CTNNAL1: variants seen among roughly 807,000 people sequenced by gnomAD.
CTNNAL1 encodes the protein alpha-catulin.
Under a neutral mutation model 93.6 loss-of-function variants are expected in CTNNAL1, and 69 were observed. That is an observed-to-expected ratio of 0.74 (90% confidence interval 0.61 to 0.90). The LOEUF (loss-of-function observed/expected upper bound fraction) is 0.90, where lower values mean the gene tolerates loss of function less well. CTNNAL1 is among the 40% of genes least tolerant of loss of function. CTNNAL1 has a pLI of 0.00. For missense variants in CTNNAL1, 836 were observed against 862.0 expected (o/e 0.97, Z 0.38); for synonymous variants, 286 against 305.4 (o/e 0.94, Z 0.66).
At chr9:108,965,840 T>C (rs1184041992) in intron 10 of CTNNAL1, among the ~76,000 whole-genome samples, 1 of 152,164 alleles carries the variant, frequency 6.6e-6, no homozygotes. Flanking sequence ...ATTCAAACAG[T>C]TATACTCAGA....
intron 10 of CTNNAL1, 75 bp from the exon 11 acceptor site, chr9:108,965,603 A>C: frequency 1.3e-6 from 1 of 767,578 alleles, no homozygotes. Context: ...ACCAAAGGTA[A>C]GTAAGTCTGC....
intron 6 of CTNNAL1, among the ~76,000 whole-genome samples, chr9:108,980,905 T>A (rs115847262): frequency 3.9e-5 from 6 of 152,198 alleles, no homozygotes; most frequent in African/African-American, 1.4e-4. Flanking sequence ...TATTTACTGA[T>A]ATGGTTTCAT....
chr9:108,996,210 C>A lies in CTNNAL1; in HGVS notation c.331+2857G>T, dbSNP rs72758390. Among the ~76,000 whole-genome samples, 4 of 152,224 alleles carry A rather than the reference C, an allele frequency of 2.6e-5. No homozygotes were observed. In the South Asian group the frequency reaches 8.3e-4, roughly 32 times the overall value. Reference sequence around the variant, plus strand: ...TCAAACACAGCTCAAGCGATCCACCCGCCTTGGCCTCCAAGTGTTGGGATT... The same window carrying A: ...TCAAACACAGCTCAAGCGATCCACCAGCCTTGGCCTCCAAGTGTTGGGATT... On this transcript the variant is annotated intron_variant, in intron 2 of 18. Transcript: ENST00000325551.
intron 6 of CTNNAL1, 98 bp downstream of exon 6, chr9:108,983,047 C>T (rs1300159512): frequency 4.5e-6 from 5 of 1,114,188 alleles, no homozygotes; most frequent in Non-Finnish European, 4.6e-6. Context: ...CACTGCACTC[C>T]AGCCTGGGCA....
intron 15 of CTNNAL1, among the ~76,000 whole-genome samples, chr9:108,947,790 C>G (rs946235211): frequency 1.3e-5 from 2 of 152,190 alleles, no homozygotes; most frequent in East Asian, 3.8e-4. Context: ...AACAGATACT[C>G]TCTCATGTGT....
chr9:109,002,008 A>G (rs1191937702), intron 1 of CTNNAL1, among the ~76,000 whole-genome samples: 20 of 152,240 alleles, frequency 1.3e-4, no homozygotes, highest in Non-Finnish European at 1.5e-5. Context: ...GAAAATTGAA[A>G]GAACTTCGAG....
At chr9:108,978,004 T>C (rs1253019065) in intron 7 of CTNNAL1, among the ~76,000 whole-genome samples, 1 of 152,162 alleles carries the variant, frequency 6.6e-6, no homozygotes, top group Admixed American at 6.5e-5. Context: ...GAATGAAAAA[T>C]ACACCTAGAA....
chr9:108,962,513 T>C (rs762236590), intron 11 of CTNNAL1, among the ~76,000 whole-genome samples: 6 of 152,242 alleles, frequency 3.9e-5, no homozygotes, highest in South Asian at 4.1e-4. Context: ...CAGTTCACCA[T>C]TGGAGAAGGG....
chr9:109,010,632 T>C (rs1041988663), intron 1 of CTNNAL1, among the ~76,000 whole-genome samples: 1 of 152,180 alleles, frequency 6.6e-6, no homozygotes, highest in Non-Finnish European at 1.5e-5. Flanking sequence ...TTCTGCATCA[T>C]TGTTAGGAAA....
At chr9:108,997,419 C>G (rs1275775852) in intron 2 of CTNNAL1, among the ~76,000 whole-genome samples, 1 of 152,172 alleles carries the variant, frequency 6.6e-6, no homozygotes, top group Non-Finnish European at 1.5e-5. Flanking sequence ...AGACTTCTAT[C>G]TAACATAAAA....
chr9:108,972,868 G>GGGGGGCCCCCCCCCCGGGC, intron 8 of CTNNAL1, 35 bp from the exon 9 acceptor site: 1 of 1,092,788 alleles, frequency 9.2e-7, no homozygotes, highest in Non-Finnish European at 1.2e-6. Context: ...GGGTGGGAGG[G>GGGGGGCCCCCCCCCCGGGC]TGGAGAAGGA....
At chr9:109,001,805 T>C (rs1826838691) in intron 1 of CTNNAL1, among the ~76,000 whole-genome samples, 1 of 152,226 alleles carries the variant, frequency 6.6e-6, no homozygotes, top group South Asian at 2.1e-4. Flanking sequence ...GAGACCTCAC[T>C]CCTGAACCAC....
chr9:108,968,027 C>T (rs1372999281), intron 10 of CTNNAL1, among the ~76,000 whole-genome samples: 1 of 152,112 alleles, frequency 6.6e-6, no homozygotes, highest in African/African-American at 2.4e-5. Flanking sequence ...GTGTCACAGG[C>T]ACAGCACTTG....
chr9:108,952,141 T>C, intron 14 of CTNNAL1, 68 bp downstream of exon 14: 4 of 1,353,476 alleles, frequency 3.0e-6, no homozygotes, highest in Non-Finnish European at 4.0e-6. Flanking sequence ...TGATTTAACA[T>C]GGAACTTTTT....
intron 8 of CTNNAL1, among the ~76,000 whole-genome samples, chr9:108,975,455 A>G: frequency 6.6e-6 from 1 of 152,144 alleles, no homozygotes; most frequent in African/African-American, 2.4e-5. Context: ...CTGGTCACTA[A>G]AAACCTTCTG....
intron 1 of CTNNAL1, among the ~76,000 whole-genome samples, chr9:109,008,023 T>A (rs1177240405): frequency 1.3e-5 from 2 of 152,166 alleles, no homozygotes; most frequent in African/African-American, 4.8e-5. Flanking sequence ...TTCATTTCAG[T>A]GACAGAGTAT....
intron 8 of CTNNAL1, among the ~76,000 whole-genome samples, chr9:108,976,124 C>G (rs1471879592): frequency 1.3e-5 from 2 of 152,160 alleles, no homozygotes; most frequent in African/African-American, 4.8e-5. Flanking sequence ...TTCCATCATG[C>G]CAAAAAGTCC....
chr9:108,957,546 T>C (rs1564125500), intron 11 of CTNNAL1, among the ~76,000 whole-genome samples: 2 of 152,244 alleles, frequency 1.3e-5, no homozygotes, highest in Non-Finnish European at 2.9e-5. Context: ...TCAAATCATT[T>C]CCTTGTAATG....
intron 14 of CTNNAL1, 111 bp downstream of exon 14, chr9:108,952,098 A>T: frequency 1.2e-6 from 1 of 866,248 alleles, no homozygotes; most frequent in Non-Finnish European, 1.7e-6. Flanking sequence ...TAGTCTTTTT[A>T]CCATATATTT....
Sources: gnomAD v4.1 joint callset for allele counts (sites outside exome capture counted in the v4.1 genomes callset) on GRCh38, gnomAD v4.1.1 for gene constraint, MANE v1.5 for transcripts, NCBI Gene and HGNC (gene_info 2026-07-23, HGNC 2026-07-21) for gene names.